SYCP2L: variants seen among roughly 807,000 people sequenced by gnomAD.
The protein encoded by SYCP2L is synaptonemal complex protein 2 like.
A neutral mutation model predicts 125.8 loss-of-function variants in SYCP2L; 98 were observed. The observed-to-expected ratio is 0.78, with a 90% CI of 0.66 to 0.92. The LOEUF is 0.92. Among genes scored for constraint, SYCP2L ranks in the 40% least tolerant of loss-of-function variants. The probability of loss-of-function intolerance (pLI) is 0.00; values close to 1 mark genes in which losing one functional copy is unlikely to be tolerated. For missense variants in SYCP2L, 842 were observed against 936.4 expected (o/e 0.90, Z 1.32); for synonymous variants, 317 against 325.4 (o/e 0.97, Z 0.28).
At chr6:10,922,253 C>T (rs1780811041) in intron 14 of SYCP2L, among the ~76,000 whole-genome samples, 2 of 152,116 alleles carry the variant, frequency 1.3e-5, no homozygotes, top group Admixed American at 6.5e-5. Context: ...ACAATTTCTA[C>T]AGGAAGTAGG....
At chr6:10,973,309 G>C (rs1211833387) in intron 29 of SYCP2L, among the ~76,000 whole-genome samples, 1 of 152,162 alleles carries the variant, frequency 6.6e-6, no homozygotes, top group African/African-American at 2.4e-5. Context: ...GAGGTGGGCG[G>C]ATCACCTGAG....
intron 15 of SYCP2L, among the ~76,000 whole-genome samples, chr6:10,925,154 C>T (rs372011493): frequency 6.0e-4 from 92 of 152,240 alleles, no homozygotes; most frequent in African/African-American, 1.8e-3. Flanking sequence ...TCTTACATGG[C>T]GGCAGGCAAG....
chr6:10,940,085 G>A (rs1341353004), intron 21 of SYCP2L, among the ~76,000 whole-genome samples: 3 of 142,752 alleles, frequency 2.1e-5, no homozygotes, highest in Non-Finnish European at 4.7e-5. Context: ...ATGGGTATAT[G>A]TACTCAACAT....
intron 12 of SYCP2L, among the ~76,000 whole-genome samples, chr6:10,911,894 C>CTTTCCTTTTTTTTTT (rs377600077): frequency 4.0e-5 from 2 of 50,022 alleles, no homozygotes; most frequent in Non-Finnish European, 3.7e-5. Context: ...GGAATAAAAG[C>CTTTCCTTTTTTTTTT]TTTTTTTTTT....
intron 23 of SYCP2L, among the ~76,000 whole-genome samples, 175 bp downstream of exon 23, chr6:10,942,921 T>A (rs1781249845): frequency 2.0e-5 from 3 of 151,976 alleles, no homozygotes; most frequent in African/African-American, 7.3e-5. Context: ...TCATGAAGGT[T>A]AGGAGGAAAA....
At chr6:10,927,423 G>T in intron 17 of SYCP2L, 56 bp downstream of exon 17, 42 of 1,433,640 alleles carry the variant, frequency 2.9e-5, no homozygotes, top group Non-Finnish European at 3.9e-5. Flanking sequence ...TAAAGGGACG[G>T]ACTACAAAAG....
Position 10,912,244 on chromosome 6 carries a change from A to G in SYCP2L, c.919-429A>G, listed in dbSNP as rs1175709220. ...AAATGAAGGAAATTTGAAGTCTTCA[A>G]GTCTTAGCTGTACTCTAATGGTTGG... On this transcript the variant is annotated intron_variant, in intron 12 of 29. Transcript: ENST00000283141. This position sits in a 1 kb window ranked among gnomAD's most constrained non-coding sequence, Gnocchi z 4.1. Among the ~76,000 whole-genome samples the G allele has an allele frequency of 1.3e-5, 2 of 152,190 alleles. No homozygotes were observed. The highest frequency in any genetic ancestry group is 3.9e-4 in the East Asian group (2 of 5,192).
At chr6:10,915,548 C>T (rs141333316) in intron 14 of SYCP2L, among the ~76,000 whole-genome samples, 1,577 of 152,204 alleles carry the variant, frequency 0.01, 30 homozygotes, top group African/African-American at 0.035. Context: ...TGGATTTTGT[C>T]GAATGCTTTT....
chr6:10,933,104 T>C (rs1039369479), intron 20 of SYCP2L, among the ~76,000 whole-genome samples: 3 of 152,208 alleles, frequency 2.0e-5, no homozygotes, highest in African/African-American at 7.2e-5. Flanking sequence ...AAGAAATCTA[T>C]GTTGATTTTC....
intron 23 of SYCP2L, among the ~76,000 whole-genome samples, chr6:10,949,835 T>C (rs1781379510): frequency 6.6e-6 from 1 of 151,396 alleles, no homozygotes; most frequent in South Asian, 2.1e-4. Flanking sequence ...GATCTGACAA[T>C]CTCTTTTAAT....
chr6:10,944,427 G>GTGA (rs1781275061), intron 23 of SYCP2L, among the ~76,000 whole-genome samples: 1 of 152,098 alleles, frequency 6.6e-6, no homozygotes, highest in African/African-American at 2.4e-5. Context: ...TGATTATGTG[G>GTGA]CTTGTAAATA....
intron 6 of SYCP2L, among the ~76,000 whole-genome samples, chr6:10,899,977 T>C (rs570748158): frequency 1.8e-4 from 27 of 152,372 alleles, no homozygotes; most frequent in African/African-American, 6.3e-4. Context: ...ACAATATGTA[T>C]ATACTGCATA....
Position 10,902,657 on chromosome 6 carries a change from C to T in SYCP2L, c.467-20C>T. ...TACTCTTCCAAACATAAATTTGATG[C>T]TTTGAAATTATACTTTCAGGGAAAA... is the stretch of plus-strand genomic sequence containing the variant. On this transcript the variant is annotated intron_variant, in intron 6 of 29. Transcript: ENST00000283141. 6.2e-7 allele frequency: 1 copy of T among 1,602,052 alleles called. No individual in the cohort carries two copies. Among genetic ancestry groups the T allele is most frequent in the Non-Finnish European group, 8.5e-7 (1 of 1,170,068 alleles).
At chr6:10,972,606 C>G (rs1228549536) in intron 29 of SYCP2L, among the ~76,000 whole-genome samples, 1 of 152,152 alleles carries the variant, frequency 6.6e-6, no homozygotes, top group East Asian at 1.9e-4. Flanking sequence ...CTCTAGGTAT[C>G]TTTTCTACAC....
chr6:10,965,724 G>A lies in SYCP2L; in HGVS notation c.*37+1881G>A, dbSNP rs150846881. 9.1e-3 allele frequency among the ~76,000 whole-genome samples: 1,381 copies of A among 152,298 alleles called. 7 individuals carry two copies. The highest frequency in any genetic ancestry group is 0.02 in the Middle Eastern group (6 of 294). On this transcript the variant is annotated intron_variant, in intron 29 of 29. Transcript: ENST00000283141. ...GCTCAAACCATTCTAGCACATAGAAGATTAAACATTTCCTAATTTTAACAT... is the reference window on the plus strand; with the variant it reads ...GCTCAAACCATTCTAGCACATAGAAAATTAAACATTTCCTAATTTTAACAT...
At position 10,961,576 on chromosome 6, in the gene SYCP2L, C is replaced by G. The variant is rs377441879; in HGVS notation, c.2414+18C>G. The G allele has an allele frequency of 4.8e-5, 77 of 1,613,388 alleles. No homozygotes were observed. The African/African-American group carries it at 1.0e-3, about 21-fold the overall frequency. On this transcript the variant is annotated intron_variant, in intron 28 of 29. Coordinates refer to ENST00000283141, the MANE Select transcript of SYCP2L (RefSeq NM_001040274.3). Reference sequence around the variant, plus strand: ...GTGCTGAGGTACTTTGAAAGGTGTTCTTTCTAGAAGAATCTTGGTTGAAGT... The same window carrying G: ...GTGCTGAGGTACTTTGAAAGGTGTTGTTTCTAGAAGAATCTTGGTTGAAGT...
At chr6:10,904,538 C>T (rs1207254963) in intron 8 of SYCP2L, among the ~76,000 whole-genome samples, 1 of 152,156 alleles carries the variant, frequency 6.6e-6, no homozygotes, top group East Asian at 1.9e-4. Context: ...TTAGTGAAAT[C>T]ACTACTCTTA....
chr6:10,892,167 G>A (rs1416836577), intron 2 of SYCP2L, among the ~76,000 whole-genome samples: 1 of 152,220 alleles, frequency 6.6e-6, no homozygotes, highest in Admixed American at 6.5e-5. Context: ...CAAAGGCCCC[G>A]AGGCAAGGAA....
At chr6:10,936,606 ATTACT>A in intron 21 of SYCP2L, among the ~76,000 whole-genome samples, 2 of 152,342 alleles carry the variant, frequency 1.3e-5, no homozygotes, top group Admixed American at 1.3e-4. Flanking sequence ...CCTATCAATA[ATTACT>A]TTAAATGGAT....
Sources: gnomAD v4.1 joint callset for allele counts (sites outside exome capture counted in the v4.1 genomes callset) on GRCh38, gnomAD v4.1.1 for gene constraint, Gnocchi (gnomAD v3.1) non-coding constraint, MANE v1.5 for transcripts, NCBI Gene and HGNC (gene_info 2026-07-23, HGNC 2026-07-21) for gene names.